Variants in SKI observed in about 807,000 individuals in gnomAD.
SKI encodes the protein SKI proto-oncogene.
A neutral mutation model predicts 59.3 loss-of-function variants in SKI; 23 were observed. The observed-to-expected ratio is 0.39, with a 90% confidence interval of 0.28 to 0.55. The LOEUF is 0.55. Among genes scored for constraint, SKI ranks in the 20% least tolerant of loss-of-function variants. The probability of loss-of-function intolerance (pLI) is 0.67; values close to 1 mark genes in which losing one functional copy is unlikely to be tolerated. For missense variants in SKI, 1,017 were observed against 1,038.9 expected, an observed-to-expected ratio of 0.98 and a Z score of 0.29; for synonymous variants, 673 against 488.6, an observed-to-expected ratio of 1.38 and a Z score of -4.98.
intron 1 of SKI, among the ~76,000 whole-genome samples, chr1:2,290,227 T>G (rs1640131830): frequency 6.6e-6 from 1 of 152,060 alleles, no homozygotes; most frequent in South Asian, 2.1e-4. Context: ...GTCCCGGGGC[T>G]CCTGGGAAGA....
At position 2,302,997 on chromosome 1, in the gene SKI, C is replaced by T; in HGVS notation, c.989C>T (p.Ala330Val). Residue 330 changes from alanine (A) to valine (V), a missense_variant, in exon 2 of 7, where the codon GCC becomes GTC. Physicochemically the swap from Ala to Val is moderately conservative, Grantham distance 64 (BLOSUM62 0). Coordinates refer to ENST00000378536, the MANE Select transcript of SKI (RefSeq NM_003036.4). ...RVPRVSSEPP[A>V]SIRPKTDDTS... Reference sequence around the variant, plus strand: ...TCGCAGGTCTCCTCTGAGCCTCCGGCCTCCATAAGACCCAAAACAGATGAC... The same window carrying T: ...TCGCAGGTCTCCTCTGAGCCTCCGGTCTCCATAAGACCCAAAACAGATGAC... 1.2e-6 allele frequency: 2 copies of T among 1,613,678 alleles called. No individual in the cohort carries two copies. Among genetic ancestry groups the T allele is most frequent in the Non-Finnish European group, 1.7e-6 (2 of 1,180,024 alleles).
chr1:2,289,740 GC>G (rs978488932), intron 1 of SKI, among the ~76,000 whole-genome samples: 1 of 152,150 alleles, frequency 6.6e-6, no homozygotes, highest in Non-Finnish European at 1.5e-5. Flanking sequence ...TCTCAGTTTG[GC>G]CCCACAGCAG....
chr1:2,264,691 C>T (rs903375352), intron 1 of SKI, among the ~76,000 whole-genome samples: 3 of 152,144 alleles, frequency 2.0e-5, no homozygotes, highest in Admixed American at 6.6e-5. Context: ...CATGAGCCAC[C>T]GTGCCTGGCC....
chr1:2,303,576 T>A lies in SKI; in HGVS notation c.1211+176T>A. ...ATCAGGGAGAGCACACCTAGAGCGT[T>A]CCCTGTGTTCTGGGTGGAGTCGTGG... On this transcript the variant is annotated intron_variant, in intron 3 of 6. Transcript: ENST00000378536. This position sits in a 1 kb window ranked among gnomAD's most constrained non-coding sequence, Gnocchi z 5.6. 1 of 690,882 alleles carries A rather than the reference T, an allele frequency of 1.4e-6. No homozygotes were observed. The highest frequency in any genetic ancestry group is 2.4e-6 in the Non-Finnish European group (1 of 412,106). The allele number at this position is 690,882 out of a possible 1,614,324, so 42.8% of individuals were successfully genotyped here.
intron 1 of SKI, among the ~76,000 whole-genome samples, chr1:2,235,475 G>A (rs1391922930): frequency 6.6e-6 from 1 of 152,218 alleles, no homozygotes; most frequent in Non-Finnish European, 1.5e-5. Flanking sequence ...GTGACCCTCA[G>A]GAAGCTCTGG....
rs1186974422 is a variant in SKI at position 2,303,591 on chromosome 1, T to A, written c.1211+191T>A. The stretch of plus-strand genomic sequence containing the variant: ...CCTAGAGCGTTCCCTGTGTTCTGGG[T>A]GGAGTCGTGGGTGGAGCCCTGTCTG... On this transcript the variant is annotated intron_variant, in intron 3 of 6. Coordinates refer to ENST00000378536, the MANE Select transcript of SKI (RefSeq NM_003036.4). The surrounding 1 kb of genome is among the most constrained non-coding windows in gnomAD (Gnocchi z 5.6). The A allele has an allele frequency of 8.8e-6, 6 of 684,508 alleles. No homozygotes were observed. Among genetic ancestry groups the A allele is most frequent in the Admixed American group, 5.3e-5 (2 of 37,558 alleles). 42.4% of individuals were successfully genotyped at this position (684,508 alleles called of 1,614,324 possible). A position where few individuals can be genotyped will look rare whatever the true frequency, so the allele number is the denominator to read the frequency against.
chr1:2,298,756 C>T (rs947189427), intron 1 of SKI, among the ~76,000 whole-genome samples: 2 of 152,352 alleles, frequency 1.3e-5, no homozygotes, highest in East Asian at 3.9e-4. Flanking sequence ...GCTGTATCAA[C>T]GCGCCCACCA....
intron 1 of SKI, among the ~76,000 whole-genome samples, chr1:2,285,869 G>T (rs1378970241): frequency 8.2e-6 from 1 of 122,306 alleles, no homozygotes; most frequent in African/African-American, 3.2e-5. Context: ...CCAGCCAGAA[G>T]GTTTTTTTTT....
chr1:2,282,778 G>A (rs983331138), intron 1 of SKI, among the ~76,000 whole-genome samples: 5 of 152,142 alleles, frequency 3.3e-5, no homozygotes, highest in Admixed American at 6.5e-5. Flanking sequence ...ACCGGCTCTC[G>A]GGGGCGCCAG....
At chr1:2,234,497 G>A (rs1397708331) in intron 1 of SKI, among the ~76,000 whole-genome samples, 1 of 152,206 alleles carries the variant, frequency 6.6e-6, no homozygotes, top group African/African-American at 2.4e-5. Flanking sequence ...AGGATATGGT[G>A]CGAGGAAGTC....
intron 1 of SKI, among the ~76,000 whole-genome samples, chr1:2,261,220 G>T (rs547460106): frequency 1.5e-4 from 23 of 152,150 alleles, no homozygotes; most frequent in African/African-American, 5.6e-4. Flanking sequence ...GGTGATATTC[G>T]CGCTCTAACC....
chr1:2,269,634 G>A lies in SKI; in HGVS notation c.970-33344G>A, dbSNP rs1639574096. On this transcript the variant is annotated intron_variant, in intron 1 of 6. Coordinates refer to ENST00000378536, the MANE Select transcript of SKI (RefSeq NM_003036.4). The surrounding 1 kb of genome is among the most constrained non-coding windows in gnomAD (Gnocchi z 4.7). ...CAACTTTGGAATCGCCTCATGGCTG[G>A]CCCTGGACCTCTCCTCCTTCCTTCC... 3.3e-5 allele frequency among the ~76,000 whole-genome samples: 5 copies of A among 152,262 alleles called. No individual in the cohort carries two copies. The South Asian group carries it at 8.3e-4, about 25-fold the overall frequency.
chr1:2,242,167 T>C (rs1403194893), intron 1 of SKI, among the ~76,000 whole-genome samples: 1 of 152,340 alleles, frequency 6.6e-6, no homozygotes, highest in Non-Finnish European at 1.5e-5. Flanking sequence ...CGTCCCTTGG[T>C]GTGGCCCCCA....
chr1:2,246,325 A>G (rs1638993928), intron 1 of SKI, among the ~76,000 whole-genome samples: 1 of 152,064 alleles, frequency 6.6e-6, no homozygotes, highest in South Asian at 2.1e-4. Context: ...GGCCACTCCT[A>G]TATCCTCTTT....
intron 1 of SKI, among the ~76,000 whole-genome samples, chr1:2,289,631 G>T (rs112178932): frequency 6.4e-4 from 97 of 150,776 alleles, no homozygotes; most frequent in Non-Finnish European, 1.1e-3. Context: ...GGGGGTGGGG[G>T]TGCAGCACAG....
At chr1:2,285,347 T>C (rs1162332021) in intron 1 of SKI, among the ~76,000 whole-genome samples, 1 of 151,916 alleles carries the variant, frequency 6.6e-6, no homozygotes, top group African/African-American at 2.4e-5. Flanking sequence ...ACCCAATCTC[T>C]ACTGAAAATA....
chr1:2,291,002 G>A (rs772574553), intron 1 of SKI, among the ~76,000 whole-genome samples: 1 of 152,184 alleles, frequency 6.6e-6, no homozygotes, highest in East Asian at 1.9e-4. Context: ...GCAGCCAGGC[G>A]GCCATTACGG....
At chr1:2,271,364 C>T (rs1404004458) in intron 1 of SKI, among the ~76,000 whole-genome samples, 3 of 152,146 alleles carry the variant, frequency 2.0e-5, no homozygotes, top group African/African-American at 7.2e-5. Context: ...CAGCCTCTCC[C>T]GCCGGGAGAG....
chr1:2,280,389 GTC>G (rs1458029814), intron 1 of SKI, among the ~76,000 whole-genome samples: 1 of 145,936 alleles, frequency 6.9e-6, no homozygotes, highest in Non-Finnish European at 1.5e-5. Flanking sequence ...AAAAAAAAAA[GTC>G]TGACCACAGC....
Sources: allele counts gnomAD v4.1 joint callset (sites outside exome capture counted in the v4.1 genomes callset), GRCh38; gene constraint gnomAD v4.1.1; non-coding constraint Gnocchi (gnomAD v3.1); transcripts MANE v1.5; gene names NCBI Gene and HGNC (gene_info 2026-07-23, HGNC 2026-07-21).